Variants in MAPK15 observed in about 807,000 individuals in gnomAD.
The protein encoded by MAPK15 is mitogen-activated protein kinase 15.
In MAPK15, 61 loss-of-function variants were observed where a neutral mutation model predicts 60.8. The ratio of observed to expected loss-of-function variants is 1.00; its 90% confidence interval spans 0.82 to 1.24. MAPK15 has a LOEUF of 1.24. MAPK15 is among the 50% of genes most tolerant of loss of function. The probability of loss-of-function intolerance (pLI) is 0.00; values close to 1 mark genes in which losing one functional copy is unlikely to be tolerated. For missense variants in MAPK15, 808 were observed against 741.1 expected (o/e 1.09, Z -1.05); for synonymous variants, 356 against 319.9 (o/e 1.11, Z -1.21).
At chr8:143,719,596 G>A in intron 7 of MAPK15, 114 bp downstream of exon 7, 4 of 1,381,322 alleles carry the variant, frequency 2.9e-6, no homozygotes, top group Non-Finnish European at 3.8e-6. Flanking sequence ...ACGGGGACAG[G>A]GAGGATCCAG....
chr8:143,718,894 C>A lies in MAPK15; in HGVS notation c.406C>A (p.Arg136=). 2 of 1,607,160 alleles carry A rather than the reference C, an allele frequency of 1.2e-6. No homozygotes were observed. The highest frequency in any genetic ancestry group is 1.7e-6 in the Non-Finnish European group (2 of 1,176,764). ...RFLHSGHVVH[R]DQKPSNVLLD... is the part of the protein sequence containing the mutation. The stretch of plus-strand genomic sequence containing the variant: ...CCTCCACTCGGGGCACGTTGTGCAC[C>A]GGGACCAGAAGGTGCGGTTCCCCCG... Residue 136 remains arginine, a synonymous_variant, in exon 5 of 14, where the codon CGG becomes AGG. Transcript: ENST00000338033.
chr8:143,721,364 C>G lies in MAPK15; in HGVS notation c.1157C>G (p.Pro386Arg), dbSNP rs367851658. The change falls in exon 11 of 14, where the codon CCC (proline) becomes CGC (arginine). Residue 386 changes from proline (P) to arginine (R), a missense_variant. Pro to Arg is a moderately radical substitution (Grantham distance 103). Transcript: ENST00000338033. The stretch of plus-strand genomic sequence containing the variant: ...CCTTCTAGGACACCTGTGCAGGGTC[C>G]CAGACCCAGGCCCCAGAGCAGCCCA... ...QLPSRTPVQG[P>R]RPRPQSSPGH... 9.9e-6 allele frequency: 16 copies of G among 1,613,220 alleles called. No individual in the cohort carries two copies. Among genetic ancestry groups the G allele is most frequent in the Admixed American group, 1.7e-5 (1 of 59,976 alleles).
chr8:143,721,024 G>A lies in MAPK15; in HGVS notation c.942G>A (p.Trp314Ter), dbSNP rs1331223887. Reference sequence around the variant, plus strand: ...GGTTCCACTGCCCCAGCGACGAGTGGGCACGAGAGGCAGATGTGCGGCCCC... The same window carrying A: ...GGTTCCACTGCCCCAGCGACGAGTGAGCACGAGAGGCAGATGTGCGGCCCC... ...VQRFHCPSDE[W>*]AREADVRPRA... Residue 314 changes from tryptophan to a stop codon, truncating the protein, a stop_gained, in exon 10 of 14, where the codon TGG becomes TGA. Coordinates refer to ENST00000338033, the MANE Select transcript of MAPK15 (RefSeq NM_139021.3). LOFTEE classifies it high-confidence loss of function. 1.2e-6 allele frequency: 2 copies of A among 1,611,472 alleles called. No homozygotes were observed. Among genetic ancestry groups the A allele is most frequent in the Admixed American group, 1.7e-5 (1 of 59,930 alleles).
chr8:143,720,221 C>G lies in MAPK15; in HGVS notation c.722-9C>G. 5 of 1,566,584 alleles carry G rather than the reference C, an allele frequency of 3.2e-6. No homozygotes were observed. The highest frequency in any genetic ancestry group is 4.3e-6 in the Non-Finnish European group (5 of 1,155,444). On this transcript the variant is annotated splice_polypyrimidine_tract_variant and intron_variant, in intron 7 of 13. Coordinates refer to ENST00000338033, the MANE Select transcript of MAPK15 (RefSeq NM_139021.3). This position sits in a 1 kb window ranked among gnomAD's most constrained non-coding sequence, Gnocchi z 4.6. ...CCTGCCTGGGTCACACCACCTTCTG[C>G]TGCCCCAGACCTCCTGGCTCTCGGC...
At chr8:143,716,744 C>G (rs573499722) in intron 1 of MAPK15, among the ~76,000 whole-genome samples, 143 of 151,400 alleles carry the variant, frequency 9.4e-4, no homozygotes, top group Non-Finnish European at 1.6e-3. Flanking sequence ...GCCCGCTTCC[C>G]GGGTGCACAC....
intron 1 of MAPK15, 76 bp downstream of exon 1, chr8:143,716,519 G>C: frequency 1.1e-5 from 15 of 1,414,118 alleles, no homozygotes; most frequent in Non-Finnish European, 1.4e-5. Context: ...GGGCGCGGCC[G>C]GTCCCCTCGG....
At position 143,720,178 on chromosome 8, in the gene MAPK15, C is replaced by T; in HGVS notation, c.722-52C>T. ...GATGACTGGCCCCAGATGCCCTGAG[C>T]CGCCCCAGCCGACCAGGCCTGCCTG... On this transcript the variant is annotated intron_variant, in intron 7 of 13. Coordinates refer to ENST00000338033, the MANE Select transcript of MAPK15 (RefSeq NM_139021.3). The surrounding 1 kb of genome is among the most constrained non-coding windows in gnomAD (Gnocchi z 4.6). 2.6e-6 allele frequency: 4 copies of T among 1,542,726 alleles called. No homozygotes were observed. The highest frequency in any genetic ancestry group is 2.6e-6 in the Non-Finnish European group (3 of 1,146,610).
At chr8:143,717,645 A>AGGGGATGG in intron 1 of MAPK15, 49 bp from the exon 2 acceptor site, 1 of 1,458,402 alleles carries the variant, frequency 6.9e-7, no homozygotes, top group East Asian at 2.4e-5. Flanking sequence ...CTGGGTGGGC[A>AGGGGATGG]GGGGATGGGG....
chr8:143,722,418 G>C lies in MAPK15; in HGVS notation c.*167G>C, dbSNP rs782253208. ...GGGAGCAGATGAGGGCCCTGCCCCC[G>C]CCCCACTGACTTCCTCCAATAAAGT... On this transcript the variant is annotated 3_prime_UTR_variant, in exon 14 of 14. Transcript: ENST00000338033. The C allele has an allele frequency of 1.8e-6, 1 of 554,180 alleles. No individual in the cohort carries two copies. Among genetic ancestry groups the C allele is most frequent in the Non-Finnish European group, 3.1e-6 (1 of 326,280 alleles). The allele number at this position is 554,180 out of a possible 1,614,324, so 34.3% of individuals were successfully genotyped here. A position where few individuals can be genotyped will look rare whatever the true frequency, so the allele number is the denominator to read the frequency against.
Position 143,720,060 on chromosome 8 carries a change from C to T in MAPK15, c.722-170C>T. 1.1e-6 allele frequency: 1 copy of T among 949,848 alleles called. No individual in the cohort carries two copies. Among genetic ancestry groups the T allele is most frequent in the Non-Finnish European group, 1.6e-6 (1 of 641,644 alleles). The allele number at this position is 949,848 out of a possible 1,614,324, so 58.8% of individuals were successfully genotyped here. On this transcript the variant is annotated intron_variant, in intron 7 of 13. Transcript: ENST00000338033. The surrounding 1 kb of genome is among the most constrained non-coding windows in gnomAD (Gnocchi z 4.6). Reference sequence around the variant, plus strand: ...GGTCATGTGCGGGTGCTCCCGTGCACAGGCTGGGTGGCACGCCCTGGTGAT... The same window carrying T: ...GGTCATGTGCGGGTGCTCCCGTGCATAGGCTGGGTGGCACGCCCTGGTGAT...
Position 143,721,280 on chromosome 8 carries a change from C to G in MAPK15, c.1073C>G (p.Pro358Arg). The G allele has an allele frequency of 1.9e-6, 3 of 1,613,358 alleles. No homozygotes were observed. The highest frequency in any genetic ancestry group is 1.1e-5 in the South Asian group (1 of 91,060). ...AGCGGCACCTCGAGAGAGAAGGGCC[C>G]GGAGGGTGTCTCCCCAAGCCAGGCA... ...GSSGTSREKG[P>R]EGVSPSQAHL... The change falls in exon 11 of 14, where the codon CCG (proline) becomes CGG (arginine). Residue 358 changes from proline (P) to arginine (R), a missense_variant. Transcript: ENST00000338033.
chr8:143,718,649 G>A (rs1817905474), intron 4 of MAPK15, 126 bp from the exon 5 acceptor site: 10 of 813,256 alleles, frequency 1.2e-5, no homozygotes, highest in South Asian at 1.2e-4. Context: ...CAGGATGGAG[G>A]AGCGGGGCGG....
intron 13 of MAPK15, 44 bp downstream of exon 13, chr8:143,721,924 C>T (rs1818094782): frequency 2.0e-6 from 3 of 1,529,204 alleles, no homozygotes; most frequent in Non-Finnish European, 2.6e-6. Flanking sequence ...TCCTCCTTTC[C>T]CCTTTCCCCT....
Position 143,721,649 on chromosome 8 carries a change from A to C in MAPK15, c.1305A>C (p.Glu435Asp). The stretch of plus-strand genomic sequence containing the variant: ...GGGAAAGGCCCCCTGGGGCGAAGGA[A>C]GCGCCCCCCTTGACACTCTCGCTGG... The part of the protein sequence containing the change: ...GNGERPPGAK[E>D]APPLTLSLVK... Residue 435 changes from glutamate to aspartate, a missense_variant, in exon 12 of 14, where the codon GAA becomes GAC. Physicochemically the swap from Glu to Asp is conservative, Grantham distance 45. Coordinates refer to ENST00000338033, the MANE Select transcript of MAPK15 (RefSeq NM_139021.3). 6.2e-7 allele frequency: 1 copy of C among 1,609,228 alleles called. No individual in the cohort carries two copies. Among genetic ancestry groups the C allele is most frequent in the Non-Finnish European group, 8.5e-7 (1 of 1,177,346 alleles).
rs1554619305 is a variant in MAPK15, at chr8:143,719,477, AGGAG to A, written c.719_721+1del. The A allele has an allele frequency of 1.2e-6, 2 of 1,607,002 alleles. No homozygotes were observed. Among genetic ancestry groups the A allele is most frequent in the Non-Finnish European group, 1.7e-6 (2 of 1,178,082 alleles). ...CTGGAGACCATCCCACCGCCATCTGAGGAGGGTGAGCCAGGCTGCTGGGGCTGGG... is the reference window on the plus strand; with the variant it reads ...CTGGAGACCATCCCACCGCCATCTGAGGTGAGCCAGGCTGCTGGGGCTGGG... On this transcript the variant is annotated frameshift_variant and splice_region_variant, in exon 7 of 14. Transcript: ENST00000338033. LOFTEE classifies it high-confidence loss of function.
chr8:143,720,228 A>C lies in MAPK15; in HGVS notation c.722-2A>C. Reference sequence around the variant, plus strand: ...GGGTCACACCACCTTCTGCTGCCCCAGACCTCCTGGCTCTCGGCTCAGGCT... The same window carrying C: ...GGGTCACACCACCTTCTGCTGCCCCCGACCTCCTGGCTCTCGGCTCAGGCT... On this transcript the variant is annotated splice_acceptor_variant, in intron 7 of 13. Transcript: ENST00000338033. LOFTEE classifies it high-confidence loss of function. This position sits in a 1 kb window ranked among gnomAD's most constrained non-coding sequence, Gnocchi z 4.6. The C allele has an allele frequency of 6.4e-7, 1 of 1,572,884 alleles. No individual in the cohort carries two copies.
At position 143,720,853 on chromosome 8, in the gene MAPK15, G is replaced by A; in HGVS notation, c.917+13G>A. On this transcript the variant is annotated intron_variant, in intron 9 of 13. Coordinates refer to ENST00000338033, the MANE Select transcript of MAPK15 (RefSeq NM_139021.3). The surrounding 1 kb of genome is among the most constrained non-coding windows in gnomAD (Gnocchi z 4.6). ...CCTACGTGCAGAGGTGGGGGTGGGA[G>A]AGAGTCCCCCAAGTGCGGGGGGACA... 3 of 1,609,758 alleles carry A rather than the reference G, an allele frequency of 1.9e-6. No individual in the cohort carries two copies. The highest frequency in any genetic ancestry group is 2.5e-6 in the Non-Finnish European group (3 of 1,178,952).
chr8:143,716,484 C>T, intron 1 of MAPK15, 41 bp downstream of exon 1: 7 of 1,573,906 alleles, frequency 4.4e-6, no homozygotes, highest in Non-Finnish European at 6.0e-6. Flanking sequence ...AGGGGCGCGG[C>T]AGATCTGCGG....
chr8:143,721,933 C>T, intron 13 of MAPK15, 53 bp downstream of exon 13: 1 of 1,524,788 alleles, frequency 6.6e-7, no homozygotes, highest in African/African-American at 1.4e-5. Context: ...CCCCTTTCCC[C>T]TTCCCCCCTG....
Sources: gnomAD v4.1 joint callset for allele counts (sites outside exome capture counted in the v4.1 genomes callset) on GRCh38, gnomAD v4.1.1 for gene constraint, Gnocchi (gnomAD v3.1) non-coding constraint, MANE v1.5 for transcripts, NCBI Gene and HGNC (gene_info 2026-07-23, HGNC 2026-07-21) for gene names.